NEK11: variants seen among roughly 807,000 people sequenced by gnomAD.
NEK11 encodes NIMA related kinase 11, also known as serine/threonine-protein kinase Nek11.
NEK11 carries 72 observed loss-of-function variants against 80.7 expected under a neutral mutation model. The ratio of observed to expected loss-of-function variants is 0.89; its 90% CI spans 0.74 to 1.08. The LOEUF (loss-of-function observed/expected upper bound fraction) is 1.08, where lower values mean the gene tolerates loss of function less well. Ranked by LOEUF, NEK11 falls within the 50% of genes least tolerant of loss-of-function variation. NEK11 has a pLI of 0.00. For synonymous variants in NEK11, 251 were observed against 260.7 expected (o/e 0.96, Z 0.36); for missense variants, 764 against 763.6 (o/e 1.00, Z -0.01).
At chr3:131,058,463 T>C (rs949007535) in intron 3 of NEK11, among the ~76,000 whole-genome samples, 1 of 152,180 alleles carries the variant, frequency 6.6e-6, no homozygotes, top group African/African-American at 2.4e-5. Flanking sequence ...GCATTGAATC[T>C]AGTTTTAGAG....
rs1448028762 is a variant in NEK11, at chr3:131,278,595, A to AT, written c.1718+5023dup. Among the ~76,000 whole-genome samples, 10 of 152,164 alleles carry AT rather than the reference A, an allele frequency of 6.6e-5. No homozygotes were observed. In the South Asian group the frequency reaches 2.1e-3, roughly 32 times the overall value. On this transcript the variant is annotated intron_variant, in intron 17 of 17. Coordinates refer to ENST00000383366, the MANE Select transcript of NEK11 (RefSeq NM_024800.5). ...TTTTTTACACCTCAAGCCAGATTAA[A>AT]TTCCAGGCCTGGCTCCATGCTCCCA...
intron 17 of NEK11, among the ~76,000 whole-genome samples, chr3:131,332,810 C>T (rs1446777974): frequency 1.3e-5 from 2 of 152,000 alleles, no homozygotes; most frequent in Non-Finnish European, 2.9e-5. Context: ...TCGAGAACTG[C>T]GTGAAGAATG....
chr3:131,060,315 G>A (rs1044341956), intron 3 of NEK11, among the ~76,000 whole-genome samples: 34 of 152,204 alleles, frequency 2.2e-4, no homozygotes, highest in Non-Finnish European at 2.8e-4. Context: ...GGTATTGGAG[G>A]CCATTTTTAG....
At chr3:131,117,048 G>C (rs552322082) in intron 5 of NEK11, among the ~76,000 whole-genome samples, 2 of 152,292 alleles carry the variant, frequency 1.3e-5, no homozygotes, top group East Asian at 1.9e-4. Flanking sequence ...TGAAGTCCTT[G>C]CACATGCCTA....
chr3:131,300,772 G>A (rs562007405), intron 17 of NEK11, among the ~76,000 whole-genome samples: 16 of 152,284 alleles, frequency 1.1e-4, no homozygotes, highest in African/African-American at 3.8e-4. Flanking sequence ...TACTGTTTTA[G>A]TTATGGTATC....
At chr3:131,075,253 T>C (rs778632651) in intron 3 of NEK11, among the ~76,000 whole-genome samples, 2 of 152,184 alleles carry the variant, frequency 1.3e-5, no homozygotes, top group Non-Finnish European at 2.9e-5. Context: ...GTGCATATTG[T>C]GGCATATGGG....
At position 131,236,655 on chromosome 3, in the gene NEK11, C is replaced by T. The variant is rs1210515478; in HGVS notation, c.1561-6781C>T. Among the ~76,000 whole-genome samples, 3 of 152,162 alleles carry T rather than the reference C, an allele frequency of 2.0e-5. No homozygotes were observed. The East Asian group carries it at 5.8e-4, about 29-fold the overall frequency. ...TTTAGTCTTATGGGAGCTGTGGGGGCTTGTTGGCAGTTTGAGTTTTGCAGA... is the reference window on the plus strand; with the variant it reads ...TTTAGTCTTATGGGAGCTGTGGGGGTTTGTTGGCAGTTTGAGTTTTGCAGA... On this transcript the variant is annotated intron_variant, in intron 15 of 17. Transcript: ENST00000383366.
At chr3:131,161,149 CAAA>C (rs371334381) in intron 10 of NEK11, among the ~76,000 whole-genome samples, 1 of 115,112 alleles carries the variant, frequency 8.7e-6, no homozygotes, top group African/African-American at 3.5e-5. Context: ...GACTCCATCT[CAAA>C]AAAAAAAAAA....
chr3:131,189,640 T>C (rs534575532), intron 14 of NEK11, among the ~76,000 whole-genome samples: 1 of 152,208 alleles, frequency 6.6e-6, no homozygotes, highest in African/African-American at 2.4e-5. Flanking sequence ...CTTTATTCAC[T>C]TTAAAAACAT....
At chr3:131,051,830 T>A (rs907247687) in intron 3 of NEK11, among the ~76,000 whole-genome samples, 1 of 152,282 alleles carries the variant, frequency 6.6e-6, no homozygotes, top group East Asian at 1.9e-4. Context: ...TAAGACAAAT[T>A]TGAATATGTC....
intron 15 of NEK11, among the ~76,000 whole-genome samples, chr3:131,238,982 T>C (rs2095479250): frequency 6.6e-6 from 1 of 151,276 alleles, no homozygotes; most frequent in Admixed American, 6.6e-5. Context: ...TACAACAGAG[T>C]TGCAATATTC....
intron 10 of NEK11, among the ~76,000 whole-genome samples, chr3:131,158,117 C>A (rs992937870): frequency 1.3e-5 from 2 of 152,048 alleles, no homozygotes; most frequent in Non-Finnish European, 2.9e-5. Context: ...ATCTTCTGGC[C>A]TCTCCTGAGG....
At chr3:131,126,182 A>G (rs1266825842) in intron 5 of NEK11, among the ~76,000 whole-genome samples, 1 of 152,092 alleles carries the variant, frequency 6.6e-6, no homozygotes, top group Non-Finnish European at 1.5e-5. Context: ...TACTTCCTTT[A>G]TGTACCCCAC....
intron 17 of NEK11, among the ~76,000 whole-genome samples, chr3:131,347,113 A>T (rs1338577544): frequency 3.9e-5 from 6 of 152,148 alleles, no homozygotes; most frequent in Admixed American, 2.0e-4. Context: ...GGCATGCTGG[A>T]ATCAGTCCTG....
At chr3:131,238,663 G>T (rs973378044) in intron 15 of NEK11, among the ~76,000 whole-genome samples, 1 of 152,136 alleles carries the variant, frequency 6.6e-6, no homozygotes, top group Non-Finnish European at 1.5e-5. Flanking sequence ...TGGGACAAAA[G>T]GGAACTGGGA....
chr3:131,153,055 C>A (rs2089995055), intron 9 of NEK11, among the ~76,000 whole-genome samples: 1 of 152,074 alleles, frequency 6.6e-6, no homozygotes, highest in Admixed American at 6.6e-5. Flanking sequence ...CCGCTGCACT[C>A]CAGCCTGGCA....
intron 5 of NEK11, among the ~76,000 whole-genome samples, chr3:131,125,216 C>T (rs917832523): frequency 6.6e-6 from 1 of 152,096 alleles, no homozygotes; most frequent in Non-Finnish European, 1.5e-5. Context: ...CATTTGTGTC[C>T]TATAAAGTAA....
chr3:131,278,981 A>G (rs944009407), intron 17 of NEK11, among the ~76,000 whole-genome samples: 1 of 152,152 alleles, frequency 6.6e-6, no homozygotes, highest in Non-Finnish European at 1.5e-5. Flanking sequence ...ATTTGTTACC[A>G]GAATGTGAGT....
At chr3:131,154,976 A>G (rs2090401731) in intron 9 of NEK11, 60 bp from the exon 10 acceptor site, 2 of 982,816 alleles carry the variant, frequency 2.0e-6, no homozygotes, top group Non-Finnish European at 1.6e-6. Context: ...TTGGTAATTT[A>G]TTCCCTTTCA....
Sources: gnomAD v4.1 joint callset for allele counts (sites outside exome capture counted in the v4.1 genomes callset) on GRCh38, gnomAD v4.1.1 for gene constraint, MANE v1.5 for transcripts, NCBI Gene and HGNC (gene_info 2026-07-23, HGNC 2026-07-21) for gene names.